The following DTNBP1 variants were observed in gnomAD, a reference collection of about 807,000 sequenced individuals.
The protein encoded by DTNBP1 is dystrobrevin binding protein 1, also known as dysbindin.
A neutral mutation model predicts 42.8 loss-of-function variants in DTNBP1; 35 were observed. The observed-to-expected ratio is 0.82, with a 90% CI of 0.63 to 1.09. DTNBP1 has a LOEUF of 1.09. DTNBP1 is among the 50% of genes least tolerant of loss of function. DTNBP1 has a pLI of 0.00. For missense variants in DTNBP1, 457 were observed against 424.2 expected (o/e 1.08, Z -0.68); for synonymous variants, 171 against 162.2 (o/e 1.05, Z -0.41).
chr6:15,641,051 T>C (rs1457531941), intron 3 of DTNBP1, among the ~76,000 whole-genome samples: 1 of 152,198 alleles, frequency 6.6e-6, no homozygotes, highest in African/African-American at 2.4e-5. Context: ...CAGCTACTGT[T>C]GCAAACCCCT....
chr6:15,605,789 C>T (rs759179860), intron 6 of DTNBP1, among the ~76,000 whole-genome samples: 14 of 152,150 alleles, frequency 9.2e-5, no homozygotes, highest in Non-Finnish European at 1.3e-4. Flanking sequence ...GAATTAGACT[C>T]GTATGGCTGT....
intron 6 of DTNBP1, among the ~76,000 whole-genome samples, chr6:15,614,596 T>TG: frequency 6.6e-6 from 1 of 152,270 alleles, no homozygotes; most frequent in East Asian, 1.9e-4. Context: ...CTGCAGGACT[T>TG]GGGATGCCAG....
chr6:15,661,294 C>T (rs1013583101), intron 1 of DTNBP1, among the ~76,000 whole-genome samples: 2 of 145,618 alleles, frequency 1.4e-5, no homozygotes, highest in African/African-American at 5.1e-5. Flanking sequence ...TTGGAGGCTG[C>T]AGCGAGCTAT....
intron 6 of DTNBP1, among the ~76,000 whole-genome samples, chr6:15,600,904 G>C (rs1776703052): frequency 6.6e-6 from 1 of 152,234 alleles, no homozygotes; most frequent in Non-Finnish European, 1.5e-5. Context: ...GGTAAGAAGA[G>C]AGACCTGCAC....
At chr6:15,606,546 G>A (rs1438525178) in intron 6 of DTNBP1, among the ~76,000 whole-genome samples, 1 of 152,074 alleles carries the variant, frequency 6.6e-6, no homozygotes, top group Non-Finnish European at 1.5e-5. Context: ...CACACTACAG[G>A]CTCTGGTGGG....
chr6:15,562,964 C>T (rs1161665247), intron 7 of DTNBP1, among the ~76,000 whole-genome samples: 2 of 152,238 alleles, frequency 1.3e-5, no homozygotes, highest in African/African-American at 4.8e-5. Flanking sequence ...GTTTCCATTG[C>T]TCATTAAAAG....
upstream of DTNBP1, chr6:15,663,051 C>G: frequency 2.6e-6 from 2 of 776,154 alleles, no homozygotes; most frequent in Non-Finnish European, 3.7e-6. Context: ...GTTCCCGCCC[C>G]GCGCGCGCCA....
intron 7 of DTNBP1, among the ~76,000 whole-genome samples, chr6:15,566,009 A>ATT (rs1775055992): frequency 1.3e-5 from 2 of 152,230 alleles, no homozygotes; most frequent in African/African-American, 4.8e-5. Flanking sequence ...GAAAGATCAC[A>ATT]GGCTCTAAAG....
chr6:15,611,361 T>G (rs912225282), intron 6 of DTNBP1, among the ~76,000 whole-genome samples: 1 of 152,168 alleles, frequency 6.6e-6, no homozygotes, highest in Non-Finnish European at 1.5e-5. Flanking sequence ...CCAAATAATA[T>G]TGCTCCTTGA....
intron 7 of DTNBP1, chr6:15,548,475 ACACACAC>A (rs1359512784): frequency 1.3e-5 from 2 of 150,784 alleles, no homozygotes; most frequent in South Asian, 2.1e-4. Flanking sequence ...ACACACACAC[ACACACAC>A]CACAATTCTT....
intron 7 of DTNBP1, among the ~76,000 whole-genome samples, chr6:15,592,370 T>G (rs1776335267): frequency 6.6e-6 from 1 of 152,178 alleles, no homozygotes; most frequent in Non-Finnish European, 1.5e-5. Flanking sequence ...TGCTCATGAG[T>G]AATTAATTGA....
chr6:15,645,430 T>G (rs1760619089), intron 3 of DTNBP1, among the ~76,000 whole-genome samples: 1 of 152,074 alleles, frequency 6.6e-6, no homozygotes, highest in Admixed American at 6.6e-5. Context: ...CTCCTTCACC[T>G]CATTCTATGC....
chr6:15,563,450 A>G (rs1027632969), intron 7 of DTNBP1, among the ~76,000 whole-genome samples: 1 of 152,266 alleles, frequency 6.6e-6, no homozygotes, highest in African/African-American at 2.4e-5. Flanking sequence ...ATAATTAAAC[A>G]TTAATTAGGC....
At chr6:15,550,973 A>T (rs993768511) in intron 7 of DTNBP1, among the ~76,000 whole-genome samples, 1 of 152,226 alleles carries the variant, frequency 6.6e-6, no homozygotes, top group East Asian at 1.9e-4. Flanking sequence ...GATTTCACCA[A>T]TTAGAGATTA....
intron 8 of DTNBP1, among the ~76,000 whole-genome samples, chr6:15,527,157 A>C (rs1772464113): frequency 6.6e-6 from 1 of 152,256 alleles, no homozygotes; most frequent in Non-Finnish European, 1.5e-5. Flanking sequence ...AGTAGTACTT[A>C]ATGACTTTTA....
At position 15,551,010 on chromosome 6, in the gene DTNBP1, T is replaced by C. The variant is rs150023087; in HGVS notation, c.512-17615A>G. ...ATGTTTTAATATGTCCTTTTCAGTA[T>C]GAAGAATACTATATTCAGGGGGCTC... On this transcript the variant is annotated intron_variant, in intron 7 of 9. Coordinates refer to ENST00000344537, the MANE Select transcript of DTNBP1 (RefSeq NM_032122.5). Among the ~76,000 whole-genome samples, 48 of 152,360 alleles carry C rather than the reference T, an allele frequency of 3.2e-4. No individual in the cohort carries two copies. The East Asian group carries it at 5.8e-3, about 18-fold the overall frequency.
chr6:15,652,149 C>T lies in DTNBP1; in HGVS notation c.57-9G>A, dbSNP rs747575541. 6.3e-7 allele frequency: 1 copy of T among 1,581,872 alleles called. No homozygotes were observed. Among genetic ancestry groups the T allele is most frequent in the Non-Finnish European group, 8.6e-7 (1 of 1,157,916 alleles). ...CACTTAAAGTCTTCAGCCTATAATT[C>T]AATATAAAATATAATATTTTTACAA... On this transcript the variant is annotated splice_polypyrimidine_tract_variant and intron_variant, in intron 1 of 9. Transcript: ENST00000344537.
chr6:15,580,143 A>G (rs181314648), intron 7 of DTNBP1, among the ~76,000 whole-genome samples: 1 of 152,368 alleles, frequency 6.6e-6, no homozygotes, highest in Non-Finnish European at 1.5e-5. Context: ...CAAGTACACT[A>G]AAACTGCAAC....
chr6:15,662,368 A>T (rs1349963348), intron 1 of DTNBP1, among the ~76,000 whole-genome samples: 1 of 152,172 alleles, frequency 6.6e-6, no homozygotes, highest in Non-Finnish European at 1.5e-5. Context: ...GCGCGGTGCG[A>T]TCCGACTCGG....
Sources: gnomAD v4.1 joint callset for allele counts (sites outside exome capture counted in the v4.1 genomes callset) on GRCh38, gnomAD v4.1.1 for gene constraint, MANE v1.5 for transcripts, NCBI Gene and HGNC (gene_info 2026-07-23, HGNC 2026-07-21) for gene names.